WWOX: variants seen among roughly 807,000 people sequenced by gnomAD.
WWOX encodes WW domain containing oxidoreductase.
A neutral mutation model predicts 46.2 loss-of-function variants in WWOX; 69 were observed. The ratio of observed to expected loss-of-function variants is 1.49; its 90% CI spans 1.23 to 1.82. The LOEUF (loss-of-function observed/expected upper bound fraction) is 1.82. Ranked by LOEUF, WWOX falls within the 40% of genes most tolerant of loss-of-function variation. The pLI, the probability that WWOX is intolerant of heterozygous loss-of-function variation, is 0.00. For synonymous variants in WWOX, 359 were observed against 202.6 expected (o/e 1.77, Z -6.56); for missense variants, 919 against 542.6 (o/e 1.69, Z -6.89).
At chr16:78,659,977 GTAGGGC>G (rs2047174701) in intron 8 of WWOX, among the ~76,000 whole-genome samples, 1 of 152,124 alleles carries the variant, frequency 6.6e-6, no homozygotes, top group Non-Finnish European at 1.5e-5. Context: ...CCCAGTAATT[GTAGGGC>G]TCATCAGTAC....
rs528790806 is a variant in WWOX, at chr16:78,712,976, T to A, written c.1056+280224T>A. Among the ~76,000 whole-genome samples, 74 of 152,074 alleles carry A rather than the reference T, an allele frequency of 4.9e-4. 1 individual carries two copies. Among genetic ancestry groups the A allele is most frequent in the Middle Eastern group, 6.8e-3 (2 of 294 alleles). On this transcript the variant is annotated intron_variant, in intron 8 of 8. Coordinates refer to ENST00000566780, the MANE Select transcript of WWOX (RefSeq NM_016373.4). ...GGCTGCCAAGAATAGCAGTTAGAAA[T>A]AGCTAGTATCAGGCCTGGTGTAGTG...
chr16:78,107,239 T>C (rs970335061), intron 1 of WWOX, among the ~76,000 whole-genome samples: 4 of 152,214 alleles, frequency 2.6e-5, no homozygotes, highest in Non-Finnish European at 5.9e-5. Context: ...GTTTCCCTTT[T>C]GAAATAATTG....
At chr16:78,957,919 C>G (rs2046200776) in intron 8 of WWOX, among the ~76,000 whole-genome samples, 1 of 152,212 alleles carries the variant, frequency 6.6e-6, no homozygotes, top group African/African-American at 2.4e-5. Context: ...GTTTGTGCAA[C>G]AACTCAATTC....
rs148035775 is a variant in WWOX, at chr16:78,419,144, A to G, written c.606-5726A>G. On this transcript the variant is annotated intron_variant, in intron 6 of 8. Coordinates refer to ENST00000566780, the MANE Select transcript of WWOX (RefSeq NM_016373.4). ...ATATGCGTAAGTCAATTGTATTTCTATATACTAGCAATGAAGGCATCCCAT... is the reference window on the plus strand; with the variant it reads ...ATATGCGTAAGTCAATTGTATTTCTGTATACTAGCAATGAAGGCATCCCAT... Among the ~76,000 whole-genome samples the G allele has an allele frequency of 6.4e-3, 973 of 152,312 alleles. 7 individuals carry two copies. Among genetic ancestry groups the G allele is most frequent in the Non-Finnish European group, 9.5e-3 (648 of 68,004 alleles).
intron 8 of WWOX, among the ~76,000 whole-genome samples, chr16:78,483,559 G>C (rs2084550815): frequency 6.6e-6 from 1 of 151,736 alleles, no homozygotes; most frequent in Non-Finnish European, 1.5e-5. Context: ...CTTTCCCAGT[G>C]GTGCTGTACG....
chr16:78,925,470 T>A (rs2151274627), intron 8 of WWOX, among the ~76,000 whole-genome samples: 1 of 152,296 alleles, frequency 6.6e-6, no homozygotes, highest in East Asian at 1.9e-4. Flanking sequence ...CCCTCACATT[T>A]CAAACATGTC....
chr16:78,199,944 A>G (rs989622865), intron 5 of WWOX, among the ~76,000 whole-genome samples: 3 of 152,222 alleles, frequency 2.0e-5, no homozygotes, highest in Non-Finnish European at 4.4e-5. Flanking sequence ...GCCATTTCCT[A>G]GTAGGAAAAA....
intron 8 of WWOX, among the ~76,000 whole-genome samples, chr16:79,128,399 A>G (rs370527838): frequency 6.6e-6 from 1 of 151,878 alleles, no homozygotes; most frequent in Non-Finnish European, 1.5e-5. Context: ...AAAAAAAAAC[A>G]CTAAACCCCA....
At chr16:78,832,462 C>T (rs530325994) in intron 8 of WWOX, among the ~76,000 whole-genome samples, 3 of 152,290 alleles carry the variant, frequency 2.0e-5, no homozygotes, top group African/African-American at 7.2e-5. Context: ...AGAGGGGAAC[C>T]TGGCTCCACC....
chr16:78,506,313 G>A (rs1038048994), intron 8 of WWOX, among the ~76,000 whole-genome samples: 7 of 152,182 alleles, frequency 4.6e-5, no homozygotes, highest in African/African-American at 1.7e-4. Flanking sequence ...CTTCGGAAAC[G>A]AATCTGGTCA....
chr16:79,204,319 C>T (rs1242259746), intron 8 of WWOX: 2 of 152,100 alleles, frequency 1.3e-5, no homozygotes, highest in African/African-American at 2.4e-5. Context: ...TTCTAGAACG[C>T]TTTGGGCAGG....
chr16:78,877,042 A>C (rs1425587930), intron 8 of WWOX, among the ~76,000 whole-genome samples: 3 of 152,212 alleles, frequency 2.0e-5, no homozygotes, highest in Non-Finnish European at 4.4e-5. Context: ...ACATTTAAAT[A>C]GCTCTTCTAG....
chr16:79,150,623 T>A (rs1295442166), intron 8 of WWOX, among the ~76,000 whole-genome samples: 1 of 152,186 alleles, frequency 6.6e-6, no homozygotes, highest in East Asian at 1.9e-4. Flanking sequence ...CTGGAGAGAT[T>A]AGATTAGAAA....
intron 8 of WWOX, among the ~76,000 whole-genome samples, chr16:79,111,699 A>C (rs2049419758): frequency 6.6e-6 from 1 of 152,208 alleles, no homozygotes; most frequent in African/African-American, 2.4e-5. Flanking sequence ...TGTCTAGGCA[A>C]ACAGGATAGA....
intron 7 of WWOX, among the ~76,000 whole-genome samples, chr16:78,428,074 CAAA>C (rs1257175030): frequency 2.0e-5 from 3 of 152,014 alleles, no homozygotes; most frequent in South Asian, 2.1e-4. Flanking sequence ...TTTCAGAAAA[CAAA>C]AACCCAAAAA....
intron 5 of WWOX, among the ~76,000 whole-genome samples, chr16:78,323,929 C>A (rs891886293): frequency 6.6e-6 from 1 of 152,110 alleles, no homozygotes; most frequent in Non-Finnish European, 1.5e-5. Context: ...ATAGATGCCC[C>A]TTTACTGAGC....
chr16:78,278,551 G>A, intron 5 of WWOX: 2 of 1,547,684 alleles, frequency 1.3e-6, no homozygotes, highest in Admixed American at 3.4e-5. Context: ...ACAGTTCTAT[G>A]TTGTTCTCAT....
At chr16:78,214,547 C>T (rs1185592130) in intron 5 of WWOX, among the ~76,000 whole-genome samples, 3 of 152,168 alleles carry the variant, frequency 2.0e-5, no homozygotes, top group East Asian at 3.9e-4. Context: ...AGGGATTGCA[C>T]CTCCCTCTGA....
intron 5 of WWOX, among the ~76,000 whole-genome samples, chr16:78,300,713 A>G (rs2080025179): frequency 6.6e-6 from 1 of 152,194 alleles, no homozygotes; most frequent in Admixed American, 6.5e-5. Context: ...ATCCTTTACC[A>G]TCAAGATAAC....
Sources: gnomAD v4.1 joint callset for allele counts (sites outside exome capture counted in the v4.1 genomes callset) on GRCh38, gnomAD v4.1.1 for gene constraint, MANE v1.5 for transcripts, NCBI Gene and HGNC (gene_info 2026-07-23, HGNC 2026-07-21) for gene names.